DNAH14: variants seen among roughly 807,000 people sequenced by gnomAD.
DNAH14 encodes dynein axonemal heavy chain 14.
Under a neutral mutation model 520.9 loss-of-function variants are expected in DNAH14, and 478 were observed. The observed-to-expected ratio is 0.92, with a 90% CI of 0.85 to 0.99. DNAH14 has a LOEUF of 0.99. DNAH14 is among the 50% of genes least tolerant of loss of function. DNAH14 has a pLI of 0.00. For synonymous variants in DNAH14, 1,581 were observed against 1,757.2 expected (o/e 0.90, Z 2.51); for missense variants, 4,831 against 5,234.5 (o/e 0.92, Z 2.38).
chr1:225,398,616 C>T lies in DNAH14; in HGVS notation c.13588C>T (p.Pro4530Ser). 6.4e-7 allele frequency: 1 copy of T among 1,551,728 alleles called. No individual in the cohort carries two copies. ...ACAGAAAATACTGGAAGACTCGCTGCCTCTGGAGATGTGCTGTGATTTTCC... is the reference window on the plus strand; with the variant it reads ...ACAGAAAATACTGGAAGACTCGCTGTCTCTGGAGATGTGCTGTGATTTTCC... ...REQKILEDSL[P>S]LEMCCDFPDI... is the part of the protein sequence containing the mutation. The change falls in exon 85 of 86, where the codon CCT (proline) becomes TCT (serine). Residue 4530 changes from proline (P) to serine (S), a missense_variant. Transcript: ENST00000682510.
intron 8 of DNAH14, among the ~76,000 whole-genome samples, chr1:224,991,387 C>G (rs569544048): frequency 3.3e-5 from 5 of 151,618 alleles, no homozygotes; most frequent in Non-Finnish European, 2.9e-5. Flanking sequence ...TTAGAGGCGC[C>G]CGGCTGAGCA....
rs191047995 is a variant in DNAH14, at chr1:225,180,805, C to T, written c.5536-4486C>T. On this transcript the variant is annotated intron_variant, in intron 36 of 85. Coordinates refer to ENST00000682510, the MANE Select transcript of DNAH14 (RefSeq NM_001367479.1). ...TGTTCTGATGGATCTGCTATTAAGA[C>T]CCTCTAATGCATTATTTTAAATTAA... Among the ~76,000 whole-genome samples the T allele has an allele frequency of 2.2e-3, 338 of 152,224 alleles. 2 individuals carry two copies. Among genetic ancestry groups the T allele is most frequent in the African/African-American group, 7.8e-3 (326 of 41,532 alleles).
rs1203089566 is a variant in DNAH14, at chr1:225,123,603, G to A, written c.4243G>A (p.Val1415Ile). 1 of 421,248 alleles carries A rather than the reference G, an allele frequency of 2.4e-6. No homozygotes were observed. The highest frequency in any genetic ancestry group is 5.0e-6 in the Non-Finnish European group (1 of 200,462). The allele number at this position is 421,248 out of a possible 1,614,324, so 26.1% of individuals were successfully genotyped here. Reference protein sequence around the residue: ...QWVLSHPGQVVLTVSQIMFYN... With the variant: ...QWVLSHPGQVILTVSQIMFYN... The stretch of plus-strand genomic sequence containing the variant: ...GGTGTTATCTCATCCAGGACAAGTG[G>A]TACTTACTGTGGTAAGTTAATGCTG... Residue 1415 changes from valine to isoleucine, a missense_variant, in exon 27 of 86, where the codon GTA (valine) becomes ATA (isoleucine). Transcript: ENST00000682510.
intron 37 of DNAH14, among the ~76,000 whole-genome samples, chr1:225,187,122 T>C (rs1408215993): frequency 1.3e-5 from 2 of 151,878 alleles, no homozygotes; most frequent in African/African-American, 4.8e-5. Context: ...ATGTAATTGC[T>C]GGTTGGCATG....
chr1:225,085,861 C>G (rs1231268855), intron 21 of DNAH14, 72 bp downstream of exon 21: 6 of 1,411,190 alleles, frequency 4.3e-6, no homozygotes, highest in Non-Finnish European at 5.6e-6. Context: ...CTTTTGCGGT[C>G]TACAGTTTGC....
At chr1:225,391,984 T>G (rs893252073) in intron 83 of DNAH14, among the ~76,000 whole-genome samples, 3 of 152,090 alleles carry the variant, frequency 2.0e-5, no homozygotes, top group African/African-American at 7.2e-5. Context: ...TCGGCCAAGA[T>G]TGGCTCAGAA....
At chr1:224,968,661 C>T (rs1251091679) in intron 6 of DNAH14, 98 bp from the exon 7 acceptor site, 7 of 766,798 alleles carry the variant, frequency 9.1e-6, no homozygotes, top group Non-Finnish European at 1.4e-5. Flanking sequence ...CAAGAAGTTA[C>T]AAGAAGTTAT....
intron 84 of DNAH14, among the ~76,000 whole-genome samples, chr1:225,395,465 G>A (rs956746866): frequency 2.6e-5 from 4 of 151,760 alleles, no homozygotes; most frequent in Admixed American, 2.0e-4. Flanking sequence ...AGTGGCGGGC[G>A]CCTGTAGTCC....
At chr1:225,265,420 A>G in intron 48 of DNAH14, 51 bp downstream of exon 48, 1 of 1,423,894 alleles carries the variant, frequency 7.0e-7, no homozygotes, top group Middle Eastern at 1.9e-4. Context: ...TAGTCAAGTG[A>G]TAGTTTATTT....
intron 55 of DNAH14, among the ~76,000 whole-genome samples, chr1:225,292,712 GT>G (rs1351260412): frequency 2.0e-5 from 3 of 151,932 alleles, no homozygotes; most frequent in Non-Finnish European, 4.4e-5. Context: ...AACAATATTA[GT>G]TTTTTTGATT....
chr1:225,209,006 A>G (rs2087973373), intron 41 of DNAH14, among the ~76,000 whole-genome samples: 3 of 152,138 alleles, frequency 2.0e-5, no homozygotes, highest in Admixed American at 6.5e-5. Context: ...TCTTCCTTCA[A>G]CATTAGATCT....
intron 35 of DNAH14, among the ~76,000 whole-genome samples, chr1:225,166,153 G>A (rs559753813): frequency 6.6e-6 from 1 of 152,220 alleles, no homozygotes; most frequent in South Asian, 2.1e-4. Flanking sequence ...CCAGTTGTAA[G>A]TTTTGGGTGC....
At chr1:225,131,317 CA>C (rs2078398921) in intron 27 of DNAH14, among the ~76,000 whole-genome samples, 1 of 152,142 alleles carries the variant, frequency 6.6e-6, no homozygotes, top group Non-Finnish European at 1.5e-5. Context: ...GGGCTAAGAT[CA>C]AGGTGTCAGC....
At chr1:224,992,564 T>C (rs2063131453) in intron 8 of DNAH14, among the ~76,000 whole-genome samples, 3 of 152,174 alleles carry the variant, frequency 2.0e-5, no homozygotes, top group African/African-American at 4.8e-5. Context: ...ATGTGTGATT[T>C]TGTGTTCTGC....
chr1:224,955,378 C>A (rs569575053), intron 3 of DNAH14, among the ~76,000 whole-genome samples: 8 of 152,198 alleles, frequency 5.3e-5, no homozygotes, highest in African/African-American at 1.9e-4. Flanking sequence ...CTTTTTCATG[C>A]ATATCATGTC....
At chr1:225,209,262 A>G (rs1313106510) in intron 41 of DNAH14, among the ~76,000 whole-genome samples, 9 of 152,214 alleles carry the variant, frequency 5.9e-5, no homozygotes, top group Admixed American at 5.2e-4. Context: ...CACATTGTTC[A>G]GGTAGTGGCA....
chr1:225,270,856 C>G lies in DNAH14; in HGVS notation c.7661C>G (p.Thr2554Ser), dbSNP rs1307978518. ...CATCCTTCACAAGACATCTTATGTA[C>G]TATTTTCCAGGTAACACATCTAGTT... ...LPHPSQDILC[T>S]IFQAHLGIYF... The change falls in exon 50 of 86, where the codon ACT becomes AGT. Residue 2554 changes from threonine (T) to serine (S), a missense_variant. Transcript: ENST00000682510. 5.2e-6 allele frequency: 8 copies of G among 1,550,468 alleles called. No individual in the cohort carries two copies. The East Asian group carries it at 2.0e-4, about 38-fold the overall frequency.
chr1:224,991,544 C>T (rs1013950615), intron 8 of DNAH14, among the ~76,000 whole-genome samples: 13 of 151,324 alleles, frequency 8.6e-5, no homozygotes, highest in Non-Finnish European at 1.9e-4. Context: ...GGTGTGATCT[C>T]GGCTCACTAC....
At chr1:225,116,244 A>T (rs2076865318) in intron 23 of DNAH14, among the ~76,000 whole-genome samples, 1 of 152,198 alleles carries the variant, frequency 6.6e-6, no homozygotes, top group African/African-American at 2.4e-5. Context: ...TGAATATCAC[A>T]ATGAGTTTTT....
Sources: allele counts gnomAD v4.1 joint callset (sites outside exome capture counted in the v4.1 genomes callset), GRCh38; gene constraint gnomAD v4.1.1; transcripts MANE v1.5; gene names NCBI Gene and HGNC (gene_info 2026-07-23, HGNC 2026-07-21).